CUX1: variants seen among roughly 807,000 people sequenced by gnomAD.
CUX1 encodes cut like homeobox 1, also known as protein CASP.
CUX1 carries 31 observed loss-of-function variants against 158.8 expected under a neutral mutation model. The ratio of observed to expected loss-of-function variants is 0.20; its 90% CI spans 0.15 to 0.26. The LOEUF (loss-of-function observed/expected upper bound fraction) is 0.26. CUX1 is among the 10% of genes least tolerant of loss of function. CUX1 has a pLI of 1.00. For synonymous variants in CUX1, 879 were observed against 862.1 expected (o/e 1.02, Z -0.34); for missense variants, 1,589 against 2,014.6 (o/e 0.79, Z 4.04).
At position 102,249,169 on chromosome 7, in the gene CUX1, C is replaced by G; in HGVS notation, c.*127C>G. The G allele has an allele frequency of 8.8e-7, 1 of 1,141,730 alleles. No individual in the cohort carries two copies. The highest frequency in any genetic ancestry group is 1.6e-5 in the African/African-American group (1 of 60,690). 70.7% of individuals were successfully genotyped at this position (1,141,730 alleles called of 1,614,324 possible). A position where few individuals can be genotyped will look rare whatever the true frequency, so the allele number is the denominator to read the frequency against. On this transcript the variant is annotated 3_prime_UTR_variant, in exon 24 of 24. Transcript: ENST00000292535. Reference sequence around the variant, plus strand: ...CGGCCTGCACCGACCCCGGGCCGGACCTGAGCCCGCAGCCCAGACCCCCTC... The same window carrying G: ...CGGCCTGCACCGACCCCGGGCCGGAGCTGAGCCCGCAGCCCAGACCCCCTC...
chr7:102,058,147 T>C (rs897666944), intron 3 of CUX1, among the ~76,000 whole-genome samples: 15 of 152,240 alleles, frequency 9.9e-5, no homozygotes, highest in Admixed American at 9.8e-4. Context: ...TTAAGATATG[T>C]ACATTTTTGA....
At chr7:102,263,283 G>C (rs2132748152) in intron 14 of CUX1, among the ~76,000 whole-genome samples, 1 of 149,414 alleles carries the variant, frequency 6.7e-6, no homozygotes, top group African/African-American at 2.5e-5. Context: ...CCAAAGTACT[G>C]GGATTACAGG....
chr7:101,936,121 A>G (rs1806901751), intron 2 of CUX1, among the ~76,000 whole-genome samples: 1 of 152,154 alleles, frequency 6.6e-6, no homozygotes, highest in Non-Finnish European at 1.5e-5. Flanking sequence ...TAGTGGAGAC[A>G]GATGTTAAAC....
intron 2 of CUX1, among the ~76,000 whole-genome samples, chr7:101,934,560 C>T (rs1285091275): frequency 6.6e-6 from 1 of 152,114 alleles, no homozygotes; most frequent in Non-Finnish European, 1.5e-5. Context: ...CTCTCAGCCC[C>T]GAGCCTCTCA....
chr7:101,992,442 G>A (rs1815267199), intron 2 of CUX1, among the ~76,000 whole-genome samples: 1 of 152,154 alleles, frequency 6.6e-6, no homozygotes. Context: ...TAGAAGGGAG[G>A]TGTCAGCTAA....
intron 5 of CUX1, among the ~76,000 whole-genome samples, chr7:102,097,709 AC>A (rs11314718): frequency 0.6 from 91,573 of 151,656 alleles, 29,474 homozygotes; most frequent in African/African-American, 0.79. Context: ...CTGCACAACA[AC>A]GACGTAAGAT....
chr7:102,249,935 G>A lies in CUX1; in HGVS notation c.*893G>A, dbSNP rs902276653. ...TAGCTGACATAGTGTTTTCTTGTAC[G>A]TGAATAGAATCCTGACATGTAGTGC... On this transcript the variant is annotated 3_prime_UTR_variant, in exon 24 of 24. Coordinates refer to ENST00000292535, the MANE Select transcript of CUX1 (RefSeq NM_181552.4). The A allele has an allele frequency of 7.1e-6, 7 of 985,374 alleles. No homozygotes were observed. The highest frequency in any genetic ancestry group is 5.3e-5 in the African/African-American group (3 of 57,122). The allele number at this position is 985,374 out of a possible 1,614,324, so 61.0% of individuals were successfully genotyped here.
At position 102,193,076 on chromosome 7, in the gene CUX1, G is replaced by T. The variant is rs148625639; in HGVS notation, c.1077-766G>T. The stretch of plus-strand genomic sequence containing the variant: ...TCCCCAACCTGGGGCTGCAGAGAAG[G>T]TCTGCCCACCTGGCTTCTGAGTCAT... On this transcript the variant is annotated intron_variant, in intron 12 of 23. Transcript: ENST00000292535. 5.6e-3 allele frequency among the ~76,000 whole-genome samples: 860 copies of T among 152,310 alleles called. 4 individuals carry two copies. The highest frequency in any genetic ancestry group is 0.01 in the South Asian group (49 of 4,828).
intron 20 of CUX1, among the ~76,000 whole-genome samples, chr7:102,281,492 A>T (rs1377339013): frequency 6.6e-6 from 1 of 151,672 alleles, no homozygotes; most frequent in African/African-American, 2.4e-5. Context: ...GTGAAACCCT[A>T]TCTCTAGTAA....
chr7:102,202,249 C>A, intron 18 of CUX1, 45 bp downstream of exon 18: 1 of 1,546,528 alleles, frequency 6.5e-7, no homozygotes, highest in Admixed American at 1.9e-5. Context: ...ATCTCTTCTC[C>A]TTGCTGAGGA....
At chr7:102,078,378 G>A (rs1006067338) in intron 4 of CUX1, among the ~76,000 whole-genome samples, 1 of 152,134 alleles carries the variant, frequency 6.6e-6, no homozygotes, top group African/African-American at 2.4e-5. Flanking sequence ...ACCCAGCCTA[G>A]TAATGGTGTA....
At chr7:102,275,359 C>G (rs199822336) in exon 17 of CUX1, 1 of 1,610,038 alleles carries the variant, frequency 6.2e-7, no homozygotes, top group Admixed American at 1.7e-5. Context: ...AGCTTGAGGC[C>G]GTGAGTCACA....
chr7:102,136,892 A>G (rs1243529894), intron 8 of CUX1, among the ~76,000 whole-genome samples: 7 of 151,920 alleles, frequency 4.6e-5, no homozygotes, highest in Non-Finnish European at 1.0e-4. Context: ...CAGATCTTTT[A>G]TTTCATTTTG....
intron 4 of CUX1, among the ~76,000 whole-genome samples, chr7:102,077,605 A>G (rs573869667): frequency 1.7e-4 from 26 of 151,672 alleles, no homozygotes; most frequent in Admixed American, 3.9e-4. Flanking sequence ...GCCTGGCAAC[A>G]TAGCAAGACC....
At chr7:101,885,210 T>TTGGGGCTGGATGCCC (rs1800104599) in intron 1 of CUX1, among the ~76,000 whole-genome samples, 1 of 152,126 alleles carries the variant, frequency 6.6e-6, no homozygotes, top group African/African-American at 2.4e-5. Flanking sequence ...CGTGCCCTGA[T>TTGGGGCTGGATGCCC]TGGGGCTGGA....
intron 6 of CUX1, among the ~76,000 whole-genome samples, chr7:102,110,547 A>G (rs560616928): frequency 6.6e-6 from 1 of 152,270 alleles, no homozygotes; most frequent in South Asian, 2.1e-4. Context: ...TTACCCTATA[A>G]CGTGTTACAT....
chr7:102,082,582 G>A lies in CUX1; in HGVS notation c.268+12165G>A, dbSNP rs1472481709. 6.8e-5 allele frequency among the ~76,000 whole-genome samples: 10 copies of A among 147,132 alleles called. 1 individual carries two copies. Among genetic ancestry groups the A allele is most frequent in the East Asian group, 1.9e-4 (1 of 5,188 alleles). Reference sequence around the variant, plus strand: ...CATTTCAAGTGTGCAGTGTGATAGCGTGGCCACCTTCACAGTCAAGATGTA... The same window carrying A: ...CATTTCAAGTGTGCAGTGTGATAGCATGGCCACCTTCACAGTCAAGATGTA... On this transcript the variant is annotated intron_variant, in intron 4 of 23. Transcript: ENST00000292535.
chr7:101,816,824 C>T, upstream of CUX1: 1 of 699,430 alleles, frequency 1.4e-6, no homozygotes, highest in African/African-American at 2.0e-5. Context: ...GGCGCCCGCG[C>T]TCGCTACCCC....
chr7:101,936,530 G>A lies in CUX1; in HGVS notation c.141+20305G>A, dbSNP rs191788273. On this transcript the variant is annotated intron_variant, in intron 2 of 23. Transcript: ENST00000292535. Reference sequence around the variant, plus strand: ...GGCAGGATCCCCTGGGAGTTTTCCCGGATACATAGGAGAAAAGGTTATCCT... The same window carrying A: ...GGCAGGATCCCCTGGGAGTTTTCCCAGATACATAGGAGAAAAGGTTATCCT... Among the ~76,000 whole-genome samples the A allele has an allele frequency of 1.2e-4, 18 of 152,254 alleles. No individual in the cohort carries two copies. In the South Asian group the frequency reaches 1.7e-3, roughly 14 times the overall value.
Sources: gnomAD v4.1 joint callset for allele counts (sites outside exome capture counted in the v4.1 genomes callset) on GRCh38, gnomAD v4.1.1 for gene constraint, MANE v1.5 for transcripts, NCBI Gene and HGNC (gene_info 2026-07-23, HGNC 2026-07-21) for gene names.